Variants in KCNK12 observed in about 807,000 individuals in gnomAD.
The protein encoded by KCNK12 is potassium two pore domain channel subfamily K member 12.
In KCNK12, 6 loss-of-function variants were observed where a neutral mutation model predicts 25.3. That is an observed-to-expected ratio of 0.24 (90% CI 0.13 to 0.47). KCNK12 has a LOEUF of 0.47. KCNK12 is among the 20% of genes least tolerant of loss of function. The pLI, the probability that KCNK12 is intolerant of heterozygous loss-of-function variation, is 0.99. For missense variants in KCNK12, 444 were observed against 661.7 expected (o/e 0.67, Z 3.61); for synonymous variants, 331 against 311.1 (o/e 1.06, Z -0.67).
At chr2:47,564,905 C>T (rs1053222295) in intron 1 of KCNK12, 6 of 152,014 alleles carry the variant, frequency 3.9e-5, no homozygotes, top group African/African-American at 7.3e-5. Flanking sequence ...TGGTGGCTCC[C>T]GGGTGTAATC....
chr2:47,549,235 G>A (rs556848313), intron 1 of KCNK12, among the ~76,000 whole-genome samples: 27 of 152,292 alleles, frequency 1.8e-4, no homozygotes, highest in African/African-American at 6.3e-4. Flanking sequence ...TTCTTTAATA[G>A]TGTGGCTCAT....
intron 1 of KCNK12, among the ~76,000 whole-genome samples, chr2:47,523,238 A>C (rs936078900): frequency 6.6e-6 from 1 of 152,324 alleles, no homozygotes; most frequent in East Asian, 1.9e-4. Context: ...GCTAGAGTTA[A>C]TGGTCTCTGA....
rs1346228680 is a variant in KCNK12, at chr2:47,517,798, C to A, written c.*3109G>T. ...GGCTTCTTTACCTTTCTCCTCAGCT[C>A]TGAGAAGGCTGCTAGCCAAGACTCT... On this transcript the variant is annotated 3_prime_UTR_variant, in exon 2 of 2. Coordinates refer to ENST00000327876, the MANE Select transcript of KCNK12 (RefSeq NM_022055.2). This position sits in a 1 kb window ranked among gnomAD's most constrained non-coding sequence, Gnocchi z 4.1. 1 of 152,198 alleles carries A rather than the reference C, an allele frequency of 6.6e-6. No homozygotes were observed. Among genetic ancestry groups the A allele is most frequent in the Non-Finnish European group, 1.5e-5 (1 of 68,062 alleles). The allele number at this position is 152,198 out of a possible 1,614,324, so 9.4% of individuals were successfully genotyped here. A position where few individuals can be genotyped will look rare whatever the true frequency, so the allele number is the denominator to read the frequency against.
intron 1 of KCNK12, among the ~76,000 whole-genome samples, chr2:47,545,250 A>G (rs936784490): frequency 6.6e-6 from 1 of 152,196 alleles, no homozygotes; most frequent in African/African-American, 2.4e-5. Flanking sequence ...GGTAAAGGAC[A>G]GGCAGGGATG....
chr2:47,548,898 C>T lies in KCNK12; in HGVS notation c.391+21043G>A, dbSNP rs1669367611. Among the ~76,000 whole-genome samples, 1 of 152,138 alleles carries T rather than the reference C, an allele frequency of 6.6e-6. No homozygotes were observed. The highest frequency in any genetic ancestry group is 2.1e-4 in the South Asian group (1 of 4,824). On this transcript the variant is annotated intron_variant, in intron 1 of 1. Transcript: ENST00000327876. The surrounding 1 kb of genome is among the most constrained non-coding windows in gnomAD (Gnocchi z 4.4). ...AAATTCAGGTTCAGGGAGGATAAAG[C>T]AGCTGTCACTGCTTAACTGCTGTAA... is the stretch of plus-strand genomic sequence containing the variant.
chr2:47,522,034 C>T (rs72888285), intron 1 of KCNK12, among the ~76,000 whole-genome samples: 3,631 of 152,260 alleles, frequency 0.024, 121 homozygotes, highest in African/African-American at 0.078. Context: ...GGAGACATGG[C>T]CCTTCATCTT....
chr2:47,516,290 C>A lies in KCNK12; in HGVS notation c.*4617G>T, dbSNP rs1265343473. Among the ~76,000 whole-genome samples the A allele has an allele frequency of 6.6e-6, 1 of 152,220 alleles. No homozygotes were observed. The highest frequency in any genetic ancestry group is 1.5e-5 in the Non-Finnish European group (1 of 68,050). The stretch of plus-strand genomic sequence containing the variant: ...TGAAATCAGACTCCTGGGAGTACGG[C>A]CCGGGCCTCGGGATCCTTTAAAGCT... On this transcript the variant is annotated 3_prime_UTR_variant, in exon 2 of 2. Coordinates refer to ENST00000327876, the MANE Select transcript of KCNK12 (RefSeq NM_022055.2).
intron 1 of KCNK12, among the ~76,000 whole-genome samples, chr2:47,524,084 C>G (rs935723567): frequency 6.6e-6 from 1 of 152,138 alleles, no homozygotes; most frequent in African/African-American, 2.4e-5. Flanking sequence ...AGGGGAAAAT[C>G]TTATGATGTT....
Position 47,560,590 on chromosome 2 carries a change from T to C in KCNK12, c.391+9351A>G, listed in dbSNP as rs1419116524. Among the ~76,000 whole-genome samples the C allele has an allele frequency of 2.0e-5, 3 of 152,212 alleles. No individual in the cohort carries two copies. The highest frequency in any genetic ancestry group is 7.2e-5 in the African/African-American group (3 of 41,458). ...GAGCCGTGGATCCTCTATTCTGCCATTGACTGACTTGCTGTGTGATGCCAA... is the reference window on the plus strand; with the variant it reads ...GAGCCGTGGATCCTCTATTCTGCCACTGACTGACTTGCTGTGTGATGCCAA... On this transcript the variant is annotated intron_variant, in intron 1 of 1. Coordinates refer to ENST00000327876, the MANE Select transcript of KCNK12 (RefSeq NM_022055.2). The surrounding 1 kb of genome is among the most constrained non-coding windows in gnomAD (Gnocchi z 4.7).
chr2:47,539,510 G>C (rs1403861965), intron 1 of KCNK12, among the ~76,000 whole-genome samples: 2 of 152,142 alleles, frequency 1.3e-5, no homozygotes, highest in African/African-American at 4.8e-5. Flanking sequence ...AGGGGACTAA[G>C]GAAGGGAGGC....
intron 1 of KCNK12, among the ~76,000 whole-genome samples, chr2:47,524,541 G>C (rs1027236271): frequency 6.6e-6 from 1 of 152,134 alleles, no homozygotes; most frequent in East Asian, 1.9e-4. Context: ...TGCATGGTTG[G>C]TAAAATTATA....
At position 47,528,102 on chromosome 2, in the gene KCNK12, C is replaced by A. The variant is rs140692076; in HGVS notation, c.392-6294G>T. 6.6e-6 allele frequency among the ~76,000 whole-genome samples: 1 copy of A among 152,162 alleles called. No individual in the cohort carries two copies. Among genetic ancestry groups the A allele is most frequent in the African/African-American group, 2.4e-5 (1 of 41,430 alleles). ...CTGGTTCAGCTTGCATTCAGCATAA[C>A]AACTTAGCTAGGGAGTGCTGCAGGC... On this transcript the variant is annotated intron_variant, in intron 1 of 1. Coordinates refer to ENST00000327876, the MANE Select transcript of KCNK12 (RefSeq NM_022055.2). This position sits in a 1 kb window ranked among gnomAD's most constrained non-coding sequence, Gnocchi z 4.5.
Position 47,528,731 on chromosome 2 carries a change from G to T in KCNK12, c.392-6923C>A, listed in dbSNP as rs1639361572. On this transcript the variant is annotated intron_variant, in intron 1 of 1. Coordinates refer to ENST00000327876, the MANE Select transcript of KCNK12 (RefSeq NM_022055.2). This position sits in a 1 kb window ranked among gnomAD's most constrained non-coding sequence, Gnocchi z 4.5. ...CTTGGGGGCTTTATTATGCCACTTTGACAAAAGCTGTGAAGCTCGTTCCCA... is the reference window on the plus strand; with the variant it reads ...CTTGGGGGCTTTATTATGCCACTTTTACAAAAGCTGTGAAGCTCGTTCCCA... Among the ~76,000 whole-genome samples the T allele has an allele frequency of 6.6e-6, 1 of 152,244 alleles. No homozygotes were observed. Among genetic ancestry groups the T allele is most frequent in the Non-Finnish European group, 1.5e-5 (1 of 68,042 alleles).
At chr2:47,554,016 T>C (rs556775632) in intron 1 of KCNK12, among the ~76,000 whole-genome samples, 1 of 152,344 alleles carries the variant, frequency 6.6e-6, no homozygotes, top group East Asian at 1.9e-4. Flanking sequence ...AAAGTGCTTA[T>C]GAAATACCAG....
intron 1 of KCNK12, chr2:47,543,748 AT>A (rs2104823236): frequency 6.6e-6 from 1 of 152,408 alleles, no homozygotes. Flanking sequence ...CAAGCTCGGG[AT>A]GGGGGATGGG....
intron 1 of KCNK12, chr2:47,563,781 T>C (rs1669733547): frequency 4.3e-6 from 1 of 232,894 alleles, no homozygotes; most frequent in South Asian, 1.8e-4. Context: ...AGGATCTTTG[T>C]GGTGCTTCCA....
chr2:47,531,834 G>A (rs1668937042), intron 1 of KCNK12, among the ~76,000 whole-genome samples: 1 of 152,158 alleles, frequency 6.6e-6, no homozygotes, highest in Non-Finnish European at 1.5e-5. Context: ...TTCAGCCTCT[G>A]ATTGATTGTG....
rs1668492361 is a variant in KCNK12 at position 47,515,201 on chromosome 2, C to G, written c.*5706G>C. On this transcript the variant is annotated 3_prime_UTR_variant, in exon 2 of 2. Transcript: ENST00000327876. ...AGGCCTCTCCGCCACGGCAGCCTAG[C>G]TAATGGGTCTTGGCTGGAAGCTAAC... is the stretch of plus-strand genomic sequence containing the variant. 6.6e-6 allele frequency among the ~76,000 whole-genome samples: 1 copy of G among 152,178 alleles called. No individual in the cohort carries two copies. Among genetic ancestry groups the G allele is most frequent in the African/African-American group, 2.4e-5 (1 of 41,444 alleles).
At chr2:47,558,229 T>C (rs965415546) in intron 1 of KCNK12, among the ~76,000 whole-genome samples, 4 of 152,244 alleles carry the variant, frequency 2.6e-5, no homozygotes, top group Admixed American at 6.5e-5. Flanking sequence ...ACCCAGAATC[T>C]GGCAAGAGAA....
Sources: gnomAD v4.1 joint callset for allele counts (sites outside exome capture counted in the v4.1 genomes callset) on GRCh38, gnomAD v4.1.1 for gene constraint, Gnocchi (gnomAD v3.1) non-coding constraint, MANE v1.5 for transcripts, NCBI Gene and HGNC (gene_info 2026-07-23, HGNC 2026-07-21) for gene names.